ANKS1B: variants seen among roughly 807,000 people sequenced by gnomAD.
The protein encoded by ANKS1B is ankyrin repeat and sterile alpha motif domain containing 1B.
A neutral mutation model predicts 148.3 loss-of-function variants in ANKS1B; 36 were observed. The observed-to-expected ratio is 0.24, with a 90% CI of 0.19 to 0.32. ANKS1B has a LOEUF of 0.32. Ranked by LOEUF, ANKS1B falls within the 10% of genes least tolerant of loss-of-function variation. ANKS1B has a pLI of 1.00. For synonymous variants in ANKS1B, 542 were observed against 560.8 expected, an observed-to-expected ratio of 0.97 and a Z score of 0.47; for missense variants, 1,157 against 1,542.6, an observed-to-expected ratio of 0.75 and a Z score of 4.19.
At position 99,392,717 on chromosome 12, in the gene ANKS1B, T is replaced by A. The variant is rs78877540; in HGVS notation, c.1756+6914A>T. On this transcript the variant is annotated intron_variant, in intron 12 of 26. Coordinates refer to ENST00000683438, the MANE Select transcript of ANKS1B (RefSeq NM_001352186.2). ...CCCCCAGCAATTCACAACACAACTA[T>A]CCAGAGTTCAGAACTCATAAATTCA... is the stretch of plus-strand genomic sequence containing the variant. Among the ~76,000 whole-genome samples the A allele has an allele frequency of 2.6e-5, 4 of 152,264 alleles. No homozygotes were observed. In the East Asian group the frequency reaches 7.7e-4, roughly 29 times the overall value.
intron 25 of ANKS1B, among the ~76,000 whole-genome samples, chr12:98,753,938 G>T (rs1193232323): frequency 2.6e-5 from 4 of 152,202 alleles, no homozygotes; most frequent in African/African-American, 9.7e-5. Context: ...GAAGATGATG[G>T]AGAGGAAGAT....
intron 15 of ANKS1B, among the ~76,000 whole-genome samples, chr12:99,102,901 C>T (rs527330721): frequency 6.6e-6 from 1 of 151,976 alleles, no homozygotes; most frequent in Non-Finnish European, 1.5e-5. Flanking sequence ...TGCACCCCAA[C>T]CTAGGCGACC....
chr12:99,176,811 C>T (rs2078448611), intron 14 of ANKS1B, among the ~76,000 whole-genome samples: 2 of 152,102 alleles, frequency 1.3e-5, no homozygotes, highest in African/African-American at 2.4e-5. Flanking sequence ...TGCCTTCCAC[C>T]ATCAATAAAG....
chr12:99,374,518 G>A (rs954686624), intron 12 of ANKS1B, among the ~76,000 whole-genome samples: 11 of 152,132 alleles, frequency 7.2e-5, no homozygotes, highest in African/African-American at 9.7e-5. Context: ...GATAGGCTCC[G>A]AAATAATAGA....
intron 17 of ANKS1B, among the ~76,000 whole-genome samples, chr12:98,848,690 C>G (rs2099499271): frequency 6.8e-6 from 1 of 147,282 alleles, no homozygotes; most frequent in Admixed American, 7.0e-5. Context: ...TCCAGAGTAG[C>G]TGGAATTATA....
intron 9 of ANKS1B, among the ~76,000 whole-genome samples, chr12:99,535,347 C>T (rs1288807673): frequency 6.6e-6 from 1 of 152,166 alleles, no homozygotes; most frequent in African/African-American, 2.4e-5. Flanking sequence ...CTTGTTGTCC[C>T]ACGTCCATGT....
intron 8 of ANKS1B, among the ~76,000 whole-genome samples, chr12:99,749,372 C>T (rs148009433): frequency 3.2e-4 from 48 of 152,138 alleles, no homozygotes; most frequent in Middle Eastern, 3.4e-3. Flanking sequence ...ATGGGAAAAG[C>T]TGGCCTGAGA....
intron 1 of ANKS1B, among the ~76,000 whole-genome samples, chr12:99,938,483 T>G (rs1300825654): frequency 6.6e-6 from 1 of 152,194 alleles, no homozygotes; most frequent in Non-Finnish European, 1.5e-5. Flanking sequence ...AAGTACACAT[T>G]GCTTTAAGCC....
chr12:99,829,169 A>G (rs1031965348), intron 1 of ANKS1B, among the ~76,000 whole-genome samples: 1 of 152,044 alleles, frequency 6.6e-6, no homozygotes, highest in Non-Finnish European at 1.5e-5. Flanking sequence ...ACAATGAAAG[A>G]CATCATTTTA....
At chr12:99,795,305 A>C (rs922450253) in intron 4 of ANKS1B, among the ~76,000 whole-genome samples, 2 of 151,882 alleles carry the variant, frequency 1.3e-5, no homozygotes, top group African/African-American at 4.8e-5. Context: ...AATAATAATT[A>C]GATCAATAGC....
At position 98,744,005 on chromosome 12, in the gene ANKS1B, CT is replaced by C. The variant is rs1160593996; in HGVS notation, c.*1733del. 22 of 983,616 alleles carry C rather than the reference CT, an allele frequency of 2.2e-5. No homozygotes were observed. Among genetic ancestry groups the C allele is most frequent in the Non-Finnish European group, 2.5e-5 (21 of 828,474 alleles). The allele number at this position is 983,616 out of a possible 1,614,324, so 60.9% of individuals were successfully genotyped here. ...ACAACTTCTGTTTTATTTTTGTGTG[CT>C]TTTTTTATAGGATATAAATAATGAC... is the stretch of plus-strand genomic sequence containing the variant. On this transcript the variant is annotated 3_prime_UTR_variant, in exon 27 of 27. Transcript: ENST00000683438.
intron 12 of ANKS1B, among the ~76,000 whole-genome samples, chr12:99,321,406 G>A (rs911768936): frequency 5.9e-5 from 9 of 152,146 alleles, no homozygotes; most frequent in Non-Finnish European, 1.0e-4. Context: ...CGGCAATGGC[G>A]GACGCCCCTC....
At chr12:99,151,472 G>A (rs1329905262) in intron 15 of ANKS1B, among the ~76,000 whole-genome samples, 1 of 151,806 alleles carries the variant, frequency 6.6e-6, no homozygotes, top group Non-Finnish European at 1.5e-5. Flanking sequence ...AGGCTGCAGG[G>A]GGCTGAGATC....
chr12:98,840,657 C>A (rs921359042), intron 17 of ANKS1B, among the ~76,000 whole-genome samples: 16 of 152,154 alleles, frequency 1.1e-4, no homozygotes, highest in African/African-American at 3.9e-4. Context: ...CTTTTGTAAT[C>A]AATGAGAATC....
At chr12:99,244,729 T>C (rs2089974914) in intron 13 of ANKS1B, among the ~76,000 whole-genome samples, 1 of 152,240 alleles carries the variant, frequency 6.6e-6, no homozygotes, top group Non-Finnish European at 1.5e-5. Flanking sequence ...AGAAGGACTG[T>C]AGATAAATTC....
At chr12:99,208,459 A>G (rs930012469) in intron 14 of ANKS1B, among the ~76,000 whole-genome samples, 4 of 152,162 alleles carry the variant, frequency 2.6e-5, no homozygotes, top group African/African-American at 9.7e-5. Flanking sequence ...CTCACCTTTT[A>G]AAAGAGAGAT....
intron 15 of ANKS1B, among the ~76,000 whole-genome samples, chr12:99,087,348 T>C (rs575921871): frequency 6.6e-6 from 1 of 152,236 alleles, no homozygotes; most frequent in East Asian, 1.9e-4. Context: ...GACAAAAGCA[T>C]TCCACCTACT....
intron 8 of ANKS1B, among the ~76,000 whole-genome samples, chr12:99,677,138 T>C (rs1411819087): frequency 1.3e-5 from 2 of 152,226 alleles, no homozygotes; most frequent in Admixed American, 6.5e-5. Flanking sequence ...TAAAAGTGAA[T>C]CTTTAGCTTT....
intron 14 of ANKS1B, among the ~76,000 whole-genome samples, chr12:99,231,583 C>A (rs1296566106): frequency 1.3e-5 from 2 of 151,976 alleles, no homozygotes; most frequent in South Asian, 4.1e-4. Flanking sequence ...TCATCTGATA[C>A]ACAGTTAAGA....
Sources: allele counts gnomAD v4.1 joint callset (sites outside exome capture counted in the v4.1 genomes callset), GRCh38; gene constraint gnomAD v4.1.1; transcripts MANE v1.5; gene names NCBI Gene and HGNC (gene_info 2026-07-23, HGNC 2026-07-21).